CAMKV: variants seen among roughly 807,000 people sequenced by gnomAD.
CAMKV encodes CaM kinase like vesicle associated.
CAMKV carries 5 observed loss-of-function variants against 50.2 expected under a neutral mutation model. The ratio of observed to expected loss-of-function variants is 0.10; its 90% confidence interval spans 0.05 to 0.21. The LOEUF (loss-of-function observed/expected upper bound fraction) is 0.21, where lower values mean the gene tolerates loss of function less well. CAMKV is among the 10% of genes least tolerant of loss of function. The pLI, the probability that CAMKV is intolerant of heterozygous loss-of-function variation, is 1.00. For missense variants in CAMKV, 361 were observed against 650.5 expected, an observed-to-expected ratio of 0.55 and a Z score of 4.84; for synonymous variants, 229 against 250.1, an observed-to-expected ratio of 0.92 and a Z score of 0.80.
intron 1 of CAMKV, among the ~76,000 whole-genome samples, chr3:49,865,342 C>T (rs534104323): frequency 1.3e-5 from 2 of 152,238 alleles, no homozygotes; most frequent in Admixed American, 6.5e-5. Context: ...GTCTGAGGGC[C>T]GTGTACTGGG....
At chr3:49,868,453 C>G (rs934192559) in intron 1 of CAMKV, among the ~76,000 whole-genome samples, 2 of 152,200 alleles carry the variant, frequency 1.3e-5, no homozygotes, top group Admixed American at 6.5e-5. Context: ...TCAGTTTCCC[C>G]TAATGGAAAC....
chr3:49,859,852 T>C lies in CAMKV; in HGVS notation c.972A>G (p.Lys324=). Residue 324 remains lysine (K), a synonymous_variant, in exon 11 of 11, where the codon AAA becomes AAG. Coordinates refer to ENST00000477224, the MANE Select transcript of CAMKV (RefSeq NM_024046.5). The surrounding 1 kb of genome is among the most constrained non-coding windows in gnomAD (Gnocchi z 5.5). Reference sequence around the variant, plus strand: ...TGGACTGCTCTGGTGCCCGGAGCCGTTTCATGAGGGTGGTCACTCGGACAG... The same window carrying C: ...TGGACTGCTCTGGTGCCCGGAGCCGCTTCATGAGGGTGGTCACTCGGACAG... The part of the protein sequence containing the change: ...KKAVRVTTLM[K]RLRAPEQSST... 6.6e-7 allele frequency: 1 copy of C among 1,514,388 alleles called. No homozygotes were observed. Among genetic ancestry groups the C allele is most frequent in the African/African-American group, 1.4e-5 (1 of 72,186 alleles). The allele number at this position is 1,514,388 out of a possible 1,614,324, so 93.8% of individuals were successfully genotyped here.
intron 1 of CAMKV, among the ~76,000 whole-genome samples, chr3:49,865,998 G>A (rs181030866): frequency 7.4e-4 from 113 of 152,296 alleles, no homozygotes; most frequent in African/African-American, 2.5e-3. Flanking sequence ...CCTCCACCCC[G>A]TAATGTCAGC....
Position 49,862,208 on chromosome 3 carries a change from C to T in CAMKV, c.96-32G>A, listed in dbSNP as rs1243549596. ...CCGACAGGCACCCACTCAGGCCTGG[C>T]CTTAGCATCAGCTGCACTCCACTGC... On this transcript the variant is annotated intron_variant, in intron 2 of 10. Coordinates refer to ENST00000477224, the MANE Select transcript of CAMKV (RefSeq NM_024046.5). The surrounding 1 kb of genome is among the most constrained non-coding windows in gnomAD (Gnocchi z 5.2). The T allele has an allele frequency of 6.2e-7, 1 of 1,614,158 alleles. No homozygotes were observed. Among genetic ancestry groups the T allele is most frequent in the East Asian group, 2.2e-5 (1 of 44,884 alleles).
chr3:49,867,747 T>G (rs2082076163), intron 1 of CAMKV, among the ~76,000 whole-genome samples: 1 of 151,124 alleles, frequency 6.6e-6, no homozygotes, highest in African/African-American at 2.4e-5. Context: ...TGGAGAGAAT[T>G]TAGAAAAAAG....
intron 1 of CAMKV, among the ~76,000 whole-genome samples, chr3:49,868,395 A>T (rs527860854): frequency 3.5e-4 from 54 of 152,306 alleles, no homozygotes; most frequent in African/African-American, 1.3e-3. Context: ...CGGCACCACA[A>T]GCAACCCAGA....
Position 49,858,412 on chromosome 3 carries a change from T to C in CAMKV, c.*906A>G, listed in dbSNP as rs1208274723. On this transcript the variant is annotated 3_prime_UTR_variant, in exon 11 of 11. Coordinates refer to ENST00000477224, the MANE Select transcript of CAMKV (RefSeq NM_024046.5). The stretch of plus-strand genomic sequence containing the variant: ...GCAAGCCCCCTAGGGTGGAGAGGAC[T>C]TGTGGGCTGAGATTGTAGGAGGTGG... 1 of 398,266 alleles carries C rather than the reference T, an allele frequency of 2.5e-6. No individual in the cohort carries two copies. The highest frequency in any genetic ancestry group is 4.4e-6 in the Non-Finnish European group (1 of 226,026). The allele number at this position is 398,266 out of a possible 1,614,324, so 24.7% of individuals were successfully genotyped here. A position where few individuals can be genotyped will look rare whatever the true frequency, so the allele number is the denominator to read the frequency against.
intron 1 of CAMKV, among the ~76,000 whole-genome samples, chr3:49,864,700 C>G (rs1458032594): frequency 6.6e-6 from 1 of 152,240 alleles, no homozygotes; most frequent in African/African-American, 2.4e-5. Flanking sequence ...TGCTCTGCCT[C>G]TGCTGACTGT....
At position 49,861,628 on chromosome 3, in the gene CAMKV, C is replaced by CAGG; in HGVS notation, c.303-54_303-52dup. The CAGG allele has an allele frequency of 5.6e-6, 9 of 1,612,668 alleles. No homozygotes were observed. The highest frequency in any genetic ancestry group is 7.6e-6 in the Non-Finnish European group (9 of 1,179,266). On this transcript the variant is annotated intron_variant, in intron 4 of 10. Transcript: ENST00000477224. The surrounding 1 kb of genome is among the most constrained non-coding windows in gnomAD (Gnocchi z 7.7). ...GGCGTGGGCAGAATCAGGGGTAGGG[C>CAGG]AGGAGCACTTGGGTGAGCTGCCTAC...
In CAMKV at chr3:49,862,371, C is replaced by G. The variant is rs763249288; in HGVS notation, c.18G>C (p.Val6=). Residue 6 remains valine, a synonymous_variant, in exon 2 of 11, where the codon GTG becomes GTC. Coordinates refer to ENST00000477224, the MANE Select transcript of CAMKV (RefSeq NM_024046.5). This position sits in a 1 kb window ranked among gnomAD's most constrained non-coding sequence, Gnocchi z 5.2. MPFGC[V]TLGDKKNYNQ... is the part of the protein sequence containing the mutation. Reference sequence around the variant, plus strand: ...TATAGTTCTTCTTGTCGCCCAGAGTCACACACCCAAACGGCATTGCCAGGC... The same window carrying G: ...TATAGTTCTTCTTGTCGCCCAGAGTGACACACCCAAACGGCATTGCCAGGC... The G allele has an allele frequency of 1.9e-6, 3 of 1,614,150 alleles. No homozygotes were observed. Among genetic ancestry groups the G allele is most frequent in the Non-Finnish European group, 2.5e-6 (3 of 1,179,980 alleles).
chr3:49,861,098 A>G lies in CAMKV; in HGVS notation c.563-80T>C. On this transcript the variant is annotated intron_variant, in intron 6 of 10. Transcript: ENST00000477224. This position sits in a 1 kb window ranked among gnomAD's most constrained non-coding sequence, Gnocchi z 7.7. ...CCATCCACACCAGCTTCCTGAGATG[A>G]GCACATTTTCCCCCTGCCCAGAGCA... 6.2e-7 allele frequency: 1 copy of G among 1,602,642 alleles called. No individual in the cohort carries two copies. Among genetic ancestry groups the G allele is most frequent in the Non-Finnish European group, 8.5e-7 (1 of 1,173,882 alleles).
chr3:49,859,986 T>C lies in CAMKV; in HGVS notation c.943-105A>G. On this transcript the variant is annotated intron_variant, in intron 10 of 10. Coordinates refer to ENST00000477224, the MANE Select transcript of CAMKV (RefSeq NM_024046.5). This position sits in a 1 kb window ranked among gnomAD's most constrained non-coding sequence, Gnocchi z 5.5. ...TCCATAGTACCCCCGGCCACCTCCA[T>C]CCACCCCAGGGCCAAGTACTCAGCT... 1 of 1,183,402 alleles carries C rather than the reference T, an allele frequency of 8.5e-7. No individual in the cohort carries two copies. Among genetic ancestry groups the C allele is most frequent in the Non-Finnish European group, 1.2e-6 (1 of 858,684 alleles). 73.3% of individuals were successfully genotyped at this position (1,183,402 alleles called of 1,614,324 possible).
chr3:49,866,904 T>C (rs2082069741), intron 1 of CAMKV, among the ~76,000 whole-genome samples: 1 of 152,210 alleles, frequency 6.6e-6, no homozygotes, highest in South Asian at 2.1e-4. Flanking sequence ...CTACCTTTCA[T>C]AGACATAAAC....
rs759418629 is a variant in CAMKV, at chr3:49,861,337, C to T, written c.442-37G>A. On this transcript the variant is annotated intron_variant, in intron 5 of 10. Transcript: ENST00000477224. This position sits in a 1 kb window ranked among gnomAD's most constrained non-coding sequence, Gnocchi z 7.7. Reference sequence around the variant, plus strand: ...GAATAGCATGTGGGTGAGCAGAAGACACCATGAGGACCTTGGAGGCTAGAC... The same window carrying T: ...GAATAGCATGTGGGTGAGCAGAAGATACCATGAGGACCTTGGAGGCTAGAC... 6 of 1,613,998 alleles carry T rather than the reference C, an allele frequency of 3.7e-6. No homozygotes were observed. Among genetic ancestry groups the T allele is most frequent in the Non-Finnish European group, 5.1e-6 (6 of 1,179,980 alleles).
rs978016289 is a variant in CAMKV at position 49,860,894 on chromosome 3, G to A, written c.639-42C>T. 3 of 1,613,708 alleles carry A rather than the reference G, an allele frequency of 1.9e-6. No homozygotes were observed. Among genetic ancestry groups the A allele is most frequent in the South Asian group, 2.2e-5 (2 of 91,046 alleles). On this transcript the variant is annotated intron_variant, in intron 7 of 10. Transcript: ENST00000477224. This position sits in a 1 kb window ranked among gnomAD's most constrained non-coding sequence, Gnocchi z 6.1. Reference sequence around the variant, plus strand: ...TCACACAGAAAGGCCACAGACACATGCCCCCACCCCATCTGACTGCAAGCC... The same window carrying A: ...TCACACAGAAAGGCCACAGACACATACCCCCACCCCATCTGACTGCAAGCC...
At chr3:49,866,171 G>C (rs2082064237) in intron 1 of CAMKV, among the ~76,000 whole-genome samples, 1 of 152,138 alleles carries the variant, frequency 6.6e-6, no homozygotes, top group Admixed American at 6.5e-5. Context: ...CCAGGGCAAA[G>C]AGAGGAGAAA....
At chr3:49,866,248 C>T (rs1280527042) in intron 1 of CAMKV, among the ~76,000 whole-genome samples, 2 of 152,210 alleles carry the variant, frequency 1.3e-5, no homozygotes, top group Non-Finnish European at 2.9e-5. Flanking sequence ...ATCTGCTATC[C>T]ACTGTTGCTC....
Position 49,861,712 on chromosome 3 carries a change from G to A in CAMKV, c.302+79C>T, listed in dbSNP as rs2082023051. On this transcript the variant is annotated intron_variant, in intron 4 of 10. Coordinates refer to ENST00000477224, the MANE Select transcript of CAMKV (RefSeq NM_024046.5). This position sits in a 1 kb window ranked among gnomAD's most constrained non-coding sequence, Gnocchi z 7.7. ...TGGGACGCCAAGGGTCCAGAAAGGG[G>A]GTTTCCTTAGCTGCAGAGGGTGGGA... 6.3e-7 allele frequency: 1 copy of A among 1,595,126 alleles called. No individual in the cohort carries two copies. The highest frequency in any genetic ancestry group is 1.7e-5 in the Admixed American group (1 of 59,550).
chr3:49,864,299 C>T (rs964965441), intron 1 of CAMKV, among the ~76,000 whole-genome samples: 1 of 152,136 alleles, frequency 6.6e-6, no homozygotes, highest in African/African-American at 2.4e-5. Flanking sequence ...AAGAGCAAAA[C>T]AAGCCTGATC....
Sources: gnomAD v4.1 joint callset for allele counts (sites outside exome capture counted in the v4.1 genomes callset) on GRCh38, gnomAD v4.1.1 for gene constraint, Gnocchi (gnomAD v3.1) non-coding constraint, MANE v1.5 for transcripts, NCBI Gene and HGNC (gene_info 2026-07-23, HGNC 2026-07-21) for gene names.